Variants in ABCB7 observed in about 807,000 individuals in gnomAD.
The protein encoded by ABCB7 is iron-sulfur clusters transporter ABCB7, mitochondrial.
In ABCB7, 7 loss-of-function variants were observed where a neutral mutation model predicts 54.4. That is an observed-to-expected ratio of 0.13 (90% CI 0.07 to 0.24). The LOEUF (loss-of-function observed/expected upper bound fraction) is 0.24, where lower values mean the gene tolerates loss of function less well. Ranked by LOEUF, ABCB7 falls within the 10% of genes least tolerant of loss-of-function variation. The pLI is 1.00. For missense variants in ABCB7, 356 were observed against 570.4 expected, an observed-to-expected ratio of 0.62 and a Z score of 3.83; for synonymous variants, 218 against 207.1, an observed-to-expected ratio of 1.05 and a Z score of -0.45.
intron 1 of ABCB7, among the ~76,000 whole-genome samples, chrX:75,115,384 CTT>C (rs1275919332): frequency 1.2e-5 from 1 of 81,850 alleles, no homozygotes; most frequent in African/African-American, 5.0e-5. Context: ...TTTTCATCCC[CTT>C]TCTTTCTGGT....
Position 75,086,860 on chromosome X carries a change from C to T in ABCB7, c.454-10206G>A, listed in dbSNP as rs143192016. Among the ~76,000 whole-genome samples the T allele has an allele frequency of 2.0e-3, 220 of 111,611 alleles. 1 individual carries two copies. The highest frequency in any genetic ancestry group is 6.6e-3 in the African/African-American group (203 of 30,736). On this transcript the variant is annotated intron_variant, in intron 4 of 15. Transcript: ENST00000373394. ...AAACCAGCTAGATCCAAGATGGTGACGAAAACAACCTCTAGTTGCCCTCAT... is the reference window on the plus strand; with the variant it reads ...AAACCAGCTAGATCCAAGATGGTGATGAAAACAACCTCTAGTTGCCCTCAT...
At chrX:75,133,194 G>A (rs1246797645) in intron 1 of ABCB7, among the ~76,000 whole-genome samples, 2 of 112,001 alleles carry the variant, frequency 1.8e-5, no homozygotes, top group African/African-American at 6.5e-5. Flanking sequence ...ACACAAGGGG[G>A]AGTATTAACA....
intron 1 of ABCB7, among the ~76,000 whole-genome samples, chrX:75,115,868 T>C (rs970287806): frequency 3.6e-5 from 4 of 109,813 alleles, no homozygotes; most frequent in Non-Finnish European, 7.6e-5. Flanking sequence ...TGACCAGCAT[T>C]AACATTAAAA....
intron 1 of ABCB7, among the ~76,000 whole-genome samples, chrX:75,118,791 G>C (rs189995449): frequency 4.5e-5 from 5 of 111,725 alleles, no homozygotes; most frequent in African/African-American, 1.6e-4. Context: ...TAGCCACCTA[G>C]GAAGTATGGA....
intron 3 of ABCB7, 101 bp from the exon 4 acceptor site, chrX:75,099,162 C>A: frequency 1.1e-6 from 1 of 917,865 alleles, no homozygotes; most frequent in Non-Finnish European, 1.5e-6. Flanking sequence ...TACATGAAAA[C>A]ATTACAAATA....
At chrX:75,098,292 G>C (rs2081608877) in intron 4 of ABCB7, among the ~76,000 whole-genome samples, 1 of 105,308 alleles carries the variant, frequency 9.5e-6, no homozygotes, top group Non-Finnish European at 1.9e-5. Context: ...CTGGGCAACA[G>C]AGTGAGACTC....
intron 1 of ABCB7, among the ~76,000 whole-genome samples, chrX:75,133,063 C>T (rs1299023283): frequency 8.9e-6 from 1 of 111,900 alleles, no homozygotes; most frequent in Non-Finnish European, 1.9e-5. Flanking sequence ...AACGTTGAAA[C>T]CCATTCTGAG....
intron 1 of ABCB7, among the ~76,000 whole-genome samples, chrX:75,137,639 T>C (rs1488696526): frequency 8.9e-6 from 1 of 112,225 alleles, no homozygotes; most frequent in Non-Finnish European, 1.9e-5. Flanking sequence ...TAGATGCCCA[T>C]CAATGGTGGA....
intron 1 of ABCB7, among the ~76,000 whole-genome samples, chrX:75,126,094 T>TA (rs1228324243): frequency 8.9e-6 from 1 of 111,868 alleles, no homozygotes; most frequent in Non-Finnish European, 1.9e-5. Context: ...GCTAACTTTT[T>TA]TTTAAAGCTG....
intron 1 of ABCB7, among the ~76,000 whole-genome samples, chrX:75,142,744 G>T (rs1385496275): frequency 8.9e-6 from 1 of 111,960 alleles, no homozygotes; most frequent in African/African-American, 3.2e-5. Context: ...CCTGCACGTC[G>T]CTCTACAAAA....
chrX:75,100,329 G>A (rs6647628), intron 3 of ABCB7, among the ~76,000 whole-genome samples: 14,041 of 109,921 alleles, frequency 0.13, 1,571 homozygotes, highest in East Asian at 0.9. Flanking sequence ...TCATTCTTGG[G>A]ATAAAAACTA....
At position 75,114,190 on chromosome X, in the gene ABCB7, G is replaced by T. The variant is rs770884471; in HGVS notation, c.246+564C>A. ...ATGGCAAATAATTATTAATAAGAAAGAAAAAATAAACAAAATACCCAAAAT... is the reference window on the plus strand; with the variant it reads ...ATGGCAAATAATTATTAATAAGAAATAAAAAATAAACAAAATACCCAAAAT... On this transcript the variant is annotated intron_variant, in intron 2 of 15. Coordinates refer to ENST00000373394, the MANE Select transcript of ABCB7 (RefSeq NM_001271696.3). Among the ~76,000 whole-genome samples, 28 of 111,850 alleles carry T rather than the reference G, an allele frequency of 2.5e-4. No individual in the cohort carries two copies. The South Asian group carries it at 0.01, about 41-fold the overall frequency.
intron 1 of ABCB7, among the ~76,000 whole-genome samples, chrX:75,120,335 G>C (rs2081865182): frequency 8.9e-6 from 1 of 112,009 alleles, no homozygotes; most frequent in Non-Finnish European, 1.9e-5. Context: ...TCTTGGCTGG[G>C]CATGGTGGCT....
chrX:75,114,687 T>C lies in ABCB7; in HGVS notation c.246+67A>G, dbSNP rs41305387. On this transcript the variant is annotated intron_variant, in intron 2 of 15. Transcript: ENST00000373394. ...GGAGATGTAAAATATGTAGTATAAA[T>C]TGGGAAATACTCCAAGGGTTTACAG... The C allele has an allele frequency of 0.017, 15,773 of 944,661 alleles. 136 individuals carry two copies. The highest frequency in any genetic ancestry group is 0.019 in the Non-Finnish European group (12,931 of 672,675). 77.9% of individuals were successfully genotyped at this position (944,661 alleles called of 1,213,427 possible).
chrX:75,084,795 C>A (rs2081483278), intron 4 of ABCB7, among the ~76,000 whole-genome samples: 1 of 111,473 alleles, frequency 9.0e-6, no homozygotes, highest in African/African-American at 3.3e-5. Flanking sequence ...AAACATACAG[C>A]CCAATTAAAA....
At chrX:75,133,007 A>G (rs1458130977) in intron 1 of ABCB7, among the ~76,000 whole-genome samples, 3 of 112,252 alleles carry the variant, frequency 2.7e-5, no homozygotes, top group African/African-American at 9.7e-5. Context: ...TTACAGACAT[A>G]GAATTCAGAA....
intron 1 of ABCB7, among the ~76,000 whole-genome samples, chrX:75,122,103 G>C (rs1233028946): frequency 8.9e-6 from 1 of 111,858 alleles, no homozygotes; most frequent in East Asian, 2.8e-4. Flanking sequence ...GCAGAGACCT[G>C]CTGGGCTAAA....
chrX:75,087,466 A>G (rs1473330770), intron 4 of ABCB7, among the ~76,000 whole-genome samples: 1 of 112,291 alleles, frequency 8.9e-6, no homozygotes, highest in African/African-American at 3.2e-5. Context: ...GGTCTAGGCA[A>G]CAAAGCAAAT....
In ABCB7 at chrX:75,052,492, GT is replaced by G. The variant is rs1452438719; in HGVS notation, c.*877del. 1 of 98,131 alleles carries G rather than the reference GT, an allele frequency of 1.0e-5. No homozygotes were observed. The highest frequency in any genetic ancestry group is 4.2e-5 in the African/African-American group (1 of 24,006). The allele number at this position is 98,131 out of a possible 1,213,427, so 8.1% of individuals were successfully genotyped here. A position where few individuals can be genotyped will look rare whatever the true frequency, so the allele number is the denominator to read the frequency against. On this transcript the variant is annotated 3_prime_UTR_variant, in exon 16 of 16. Transcript: ENST00000373394. ...AAAAAAAAAAAAAAAAAAATTCTAA[GT>G]ATAGGCTGGGCATGATGGCTCACAC...
Sources: gnomAD v4.1 joint callset for allele counts (sites outside exome capture counted in the v4.1 genomes callset) on GRCh38, gnomAD v4.1.1 for gene constraint, MANE v1.5 for transcripts, NCBI Gene and HGNC (gene_info 2026-07-23, HGNC 2026-07-21) for gene names.